KCTD1: variants seen among roughly 807,000 people sequenced by gnomAD.
KCTD1 encodes BTB/POZ domain-containing protein KCTD1.
A neutral mutation model predicts 66.0 loss-of-function variants in KCTD1; 24 were observed. The observed-to-expected ratio is 0.36, with a 90% CI of 0.26 to 0.51. KCTD1 has a LOEUF of 0.51. Ranked by LOEUF, KCTD1 falls within the 20% of genes least tolerant of loss-of-function variation. The pLI is 0.95. For missense variants in KCTD1, 943 were observed against 1,205.2 expected, an observed-to-expected ratio of 0.78 and a Z score of 3.22; for synonymous variants, 511 against 517.2, an observed-to-expected ratio of 0.99 and a Z score of 0.16.
Position 26,515,659 on chromosome 18 carries a change from G to A in KCTD1, c.1810-14409C>T, listed in dbSNP as rs558708278. On this transcript the variant is annotated intron_variant, in intron 1 of 4. Transcript: ENST00000580059. ...TGAGTAGCTAGGATTACAGGTGTGC[G>A]CCACCAAGCCCGGCTAATTTTTGTA... Among the ~76,000 whole-genome samples, 12 of 151,932 alleles carry A rather than the reference G, an allele frequency of 7.9e-5. No individual in the cohort carries two copies. The South Asian group carries it at 1.5e-3, about 18-fold the overall frequency.
In KCTD1 at chr18:26,455,672, C is replaced by G; in HGVS notation, c.*71G>C. ...GACTTGGTTTGCTGTCCCAACTGCA[C>G]ATAAATGTCCCTTTTTTGTTTGAGT... On this transcript the variant is annotated 3_prime_UTR_variant, in exon 5 of 5. Coordinates refer to ENST00000580059, the MANE Select transcript of KCTD1 (RefSeq NM_001142730.3). 1.9e-6 allele frequency: 3 copies of G among 1,603,272 alleles called. No homozygotes were observed. The highest frequency in any genetic ancestry group is 2.6e-6 in the Non-Finnish European group (3 of 1,173,826).
At chr18:26,599,547 A>G (rs1986841993) in intron 1 of KCTD1, 1 of 1,530,834 alleles carries the variant, frequency 6.5e-7, no homozygotes, top group South Asian at 1.1e-5. Flanking sequence ...GAAAACATGA[A>G]CCAGCTGTTG....
At position 26,612,477 on chromosome 18, in the gene KCTD1, T is replaced by C. The variant is rs577185401; in HGVS notation, c.-16+16670A>G. Among the ~76,000 whole-genome samples the C allele has an allele frequency of 2.6e-5, 4 of 152,294 alleles. No homozygotes were observed. The South Asian group carries it at 6.2e-4, about 24-fold the overall frequency. ...TAATCCAATAGGACCGGTGTCTTTG[T>C]AAGAAGAGGAAACTTGGACAGAGAC... On this transcript the variant is annotated intron_variant, in intron 1 of 4. Coordinates refer to the KCTD1 transcript ENST00000317932.
intron 1 of KCTD1, among the ~76,000 whole-genome samples, chr18:26,652,084 G>T (rs919767378): frequency 1.1e-4 from 17 of 152,200 alleles, no homozygotes; most frequent in African/African-American, 4.1e-4. Context: ...AGGTGAGACT[G>T]ATATGGACCG....
At chr18:26,584,796 T>A (rs1986435847) in intron 1 of KCTD1, among the ~76,000 whole-genome samples, 1 of 151,920 alleles carries the variant, frequency 6.6e-6, no homozygotes. Flanking sequence ...GTAGGTGAAG[T>A]ATAAACTGAG....
intron 1 of KCTD1, among the ~76,000 whole-genome samples, chr18:26,613,068 T>C (rs1207256042): frequency 1.3e-5 from 2 of 152,162 alleles, no homozygotes; most frequent in Non-Finnish European, 2.9e-5. Flanking sequence ...CCAGAGACCT[T>C]TGTGCCAACC....
At chr18:26,637,257 A>G (rs1292797740) in intron 1 of KCTD1, among the ~76,000 whole-genome samples, 1 of 152,164 alleles carries the variant, frequency 6.6e-6, no homozygotes, top group African/African-American at 2.4e-5. Context: ...GCTTCTGATT[A>G]GGTGCCTCCC....
chr18:26,459,391 C>T (rs1382262308), intron 4 of KCTD1: 4 of 492,788 alleles, frequency 8.1e-6, no homozygotes, highest in African/African-American at 3.8e-5. Context: ...GCCCAGCTGT[C>T]GTGTTCTATA....
intron 1 of KCTD1, among the ~76,000 whole-genome samples, chr18:26,606,308 C>T (rs780056430): frequency 2.6e-5 from 4 of 152,198 alleles, no homozygotes; most frequent in Non-Finnish European, 5.9e-5. Context: ...GCATGTCTGA[C>T]TGCCCCTTCC....
intron 1 of KCTD1, among the ~76,000 whole-genome samples, chr18:26,562,183 C>T (rs1480630080): frequency 6.6e-6 from 1 of 152,156 alleles, no homozygotes; most frequent in African/African-American, 2.4e-5. Flanking sequence ...TCCTCCTTCT[C>T]ACTCTTTCTC....
chr18:26,536,088 CCCTTT>C (rs1984696537), intron 1 of KCTD1, among the ~76,000 whole-genome samples: 1 of 152,006 alleles, frequency 6.6e-6, no homozygotes, highest in East Asian at 1.9e-4. Flanking sequence ...TACAGGAAAG[CCCTTT>C]GCTTTCCTGT....
intron 1 of KCTD1, among the ~76,000 whole-genome samples, chr18:26,591,064 T>C (rs1474916166): frequency 6.6e-6 from 1 of 152,038 alleles, no homozygotes; most frequent in Non-Finnish European, 1.5e-5. Flanking sequence ...TGAGTCAGGG[T>C]CTTGCTCTGT....
At chr18:26,457,949 C>G (rs1023815500) in intron 4 of KCTD1, 4 of 152,194 alleles carry the variant, frequency 2.6e-5, no homozygotes, top group African/African-American at 7.2e-5. Flanking sequence ...AAGGTGTGGC[C>G]GAGGCCTTCC....
chr18:26,617,411 C>T (rs952759210), intron 1 of KCTD1, among the ~76,000 whole-genome samples: 2 of 152,170 alleles, frequency 1.3e-5, no homozygotes, highest in African/African-American at 2.4e-5. Flanking sequence ...TCTCCCATGC[C>T]GTGTTTGAGG....
chr18:26,601,286 G>C (rs1170363825), intron 1 of KCTD1, among the ~76,000 whole-genome samples: 1 of 120,100 alleles, frequency 8.3e-6, no homozygotes, highest in African/African-American at 3.2e-5. Context: ...TAAGAGACCT[G>C]GATTTTTATA....
chr18:26,548,429 G>C lies in KCTD1; in HGVS notation c.108C>G (p.Arg36=). The C allele has an allele frequency of 7.0e-7, 1 of 1,419,270 alleles. No individual in the cohort carries two copies. Among genetic ancestry groups the C allele is most frequent in the Non-Finnish European group, 9.2e-7 (1 of 1,084,938 alleles). The allele number at this position is 1,419,270 out of a possible 1,614,324, so 87.9% of individuals were successfully genotyped here. ...ENNGERGEGE[R]GAGGRGRRHS... is the part of the protein sequence containing the mutation. ...GGCGGCGGCCGCGGCCCCCCGCGCC[G>C]CGCTCGCCCTCGCCCCGCTCCCCAT... Residue 36 remains arginine, a synonymous_variant, in exon 1 of 5, where the codon CGC becomes CGG. Coordinates refer to ENST00000580059, the MANE Select transcript of KCTD1 (RefSeq NM_001142730.3).
chr18:26,632,028 T>C (rs1987631081), upstream of KCTD1, among the ~76,000 whole-genome samples: 2 of 151,482 alleles, frequency 1.3e-5, no homozygotes, highest in African/African-American at 4.9e-5. Context: ...CCAGGCTGGG[T>C]GACAGAGTGA....
At chr18:26,460,621 G>C (rs923938552) in intron 3 of KCTD1, among the ~76,000 whole-genome samples, 2 of 152,220 alleles carry the variant, frequency 1.3e-5, no homozygotes, top group African/African-American at 2.4e-5. Flanking sequence ...CCATCATAGA[G>C]TCAGAGACAT....
chr18:26,535,120 TG>T (rs374295043), intron 1 of KCTD1, among the ~76,000 whole-genome samples: 1 of 128,202 alleles, frequency 7.8e-6, no homozygotes, highest in South Asian at 2.7e-4. Flanking sequence ...GGGGTGGGGG[TG>T]GAGCTGCCAT....
Sources: gnomAD v4.1 joint callset for allele counts (sites outside exome capture counted in the v4.1 genomes callset) on GRCh38, gnomAD v4.1.1 for gene constraint, MANE v1.5 for transcripts, NCBI Gene and HGNC (gene_info 2026-07-23, HGNC 2026-07-21) for gene names.